The following TMEM245 variants were observed in gnomAD, a reference collection of about 807,000 sequenced individuals.
TMEM245 encodes transmembrane protein 245.
Under a neutral mutation model 101.2 loss-of-function variants are expected in TMEM245, and 69 were observed. The ratio of observed to expected loss-of-function variants is 0.68; its 90% CI spans 0.56 to 0.83. TMEM245 has a LOEUF of 0.83. TMEM245 is among the 40% of genes least tolerant of loss of function. TMEM245 has a pLI of 0.00. For missense variants in TMEM245, 1,075 were observed against 1,092.8 expected (o/e 0.98, Z 0.23); for synonymous variants, 537 against 449.8 (o/e 1.19, Z -2.45).
At chr9:109,108,420 T>TAAAAA (rs5899838) in intron 2 of TMEM245, 33 bp downstream of exon 2, 142 of 939,376 alleles carry the variant, frequency 1.5e-4, no homozygotes, top group South Asian at 2.9e-4. Context: ...AGGCTAGACT[T>TAAAAA]AAAAAAAAAA....
intron 12 of TMEM245, among the ~76,000 whole-genome samples, chr9:109,051,380 T>C (rs551720154): frequency 6.7e-6 from 1 of 148,482 alleles, no homozygotes; most frequent in East Asian, 2.0e-4. Flanking sequence ...AGAGAAAAAA[T>C]ATAGTCATGC....
chr9:109,034,001 T>C (rs1263916046), intron 16 of TMEM245, among the ~76,000 whole-genome samples: 1 of 152,246 alleles, frequency 6.6e-6, no homozygotes, highest in Non-Finnish European at 1.5e-5. Context: ...ACATAGGTGA[T>C]GATAAAAGGC....
chr9:109,114,340 T>C (rs1338681294), intron 1 of TMEM245, among the ~76,000 whole-genome samples: 1 of 152,166 alleles, frequency 6.6e-6, no homozygotes, highest in Non-Finnish European at 1.5e-5. Flanking sequence ...AACCTAGAAA[T>C]GTGTTTAAAA....
intron 15 of TMEM245, among the ~76,000 whole-genome samples, chr9:109,036,593 T>A (rs1051490271): frequency 1.3e-5 from 2 of 152,208 alleles, no homozygotes; most frequent in Non-Finnish European, 2.9e-5. Context: ...TAAAAATCTT[T>A]CTAAGTGTGT....
intron 17 of TMEM245, among the ~76,000 whole-genome samples, chr9:109,027,868 G>C (rs1827834045): frequency 6.6e-6 from 1 of 151,906 alleles, no homozygotes; most frequent in Admixed American, 6.5e-5. Flanking sequence ...TCTTAGTAGA[G>C]ACAGTGTTTT....
intron 7 of TMEM245, among the ~76,000 whole-genome samples, chr9:109,085,598 T>C (rs1469931674): frequency 2.0e-5 from 3 of 152,236 alleles, no homozygotes; most frequent in Non-Finnish European, 2.9e-5. Flanking sequence ...TTTAAAAAAT[T>C]CCTGTGTCTT....
At chr9:109,113,781 G>A (rs1457637492) in intron 1 of TMEM245, among the ~76,000 whole-genome samples, 1 of 152,154 alleles carries the variant, frequency 6.6e-6, no homozygotes, top group African/African-American at 2.4e-5. Context: ...AGTTTCCCAA[G>A]CTTTTTTTAG....
At chr9:109,116,299 G>C (rs966501192) in intron 1 of TMEM245, among the ~76,000 whole-genome samples, 3 of 152,200 alleles carry the variant, frequency 2.0e-5, no homozygotes, top group African/African-American at 7.2e-5. Context: ...GTGAACTGTG[G>C]GATGGAAAAG....
intron 8 of TMEM245, among the ~76,000 whole-genome samples, chr9:109,075,020 C>T (rs1474412872): frequency 6.6e-6 from 1 of 152,182 alleles, no homozygotes; most frequent in African/African-American, 2.4e-5. Flanking sequence ...AGCTAAGGGA[C>T]ATAATCTTAC....
intron 1 of TMEM245, among the ~76,000 whole-genome samples, 187 bp downstream of exon 1, chr9:109,119,148 C>T (rs1007885633): frequency 2.0e-5 from 3 of 152,242 alleles, no homozygotes; most frequent in African/African-American, 7.2e-5. Context: ...TCAAATCACG[C>T]CCGCCCCCTT....
At chr9:109,063,371 T>C (rs1829073123) in intron 10 of TMEM245, among the ~76,000 whole-genome samples, 1 of 152,174 alleles carries the variant, frequency 6.6e-6, no homozygotes, top group Admixed American at 6.5e-5. Flanking sequence ...GCCGCCTGCC[T>C]TGGCCTCCCA....
chr9:109,089,671 A>G (rs1829943243), intron 5 of TMEM245, among the ~76,000 whole-genome samples: 2 of 152,348 alleles, frequency 1.3e-5, no homozygotes, highest in East Asian at 1.9e-4. Flanking sequence ...TGCACCTGTC[A>G]GAGAAAACTC....
At position 109,111,470 on chromosome 9, in the gene TMEM245, A is replaced by G. The variant is rs77914078; in HGVS notation, c.580-2900T>C. ...AAAAATAAGAGACTGCATACTTCAGATTTTTTAAGAGAAATTTATTGTCTA... is the reference window on the plus strand; with the variant it reads ...AAAAATAAGAGACTGCATACTTCAGGTTTTTTAAGAGAAATTTATTGTCTA... On this transcript the variant is annotated intron_variant, in intron 1 of 17. Transcript: ENST00000374586. Among the ~76,000 whole-genome samples, 247 of 152,260 alleles carry G rather than the reference A, an allele frequency of 1.6e-3. 3 individuals carry two copies. Among genetic ancestry groups the G allele is most frequent in the Non-Finnish European group, 2.3e-3 (159 of 68,004 alleles).
Position 109,057,309 on chromosome 9 carries a change from G to T in TMEM245, c.1736C>A (p.Ser579Tyr), listed in dbSNP as rs373302533. Residue 579 changes from serine (S) to tyrosine (Y), a missense_variant, in exon 12 of 18, where the codon TCT (serine) becomes TAT (tyrosine). Around this residue, in one of 2 missense-constraint regions of TMEM245, gnomAD observed 808 missense variants for 741.5 expected, o/e 1.09. Transcript: ENST00000374586. Reference protein sequence around the residue: ...HSWFVKNVTHSGRHKGQKLHV... With the variant: ...HSWFVKNVTHYGRHKGQKLHV... ...CAACTTCTGTCCTTTGTGCCTTCCA[G>T]AGTGTGTTACATTCTATGGAATAAA... 100 of 1,613,908 alleles carry T rather than the reference G, an allele frequency of 6.2e-5. No individual in the cohort carries two copies. Among genetic ancestry groups the T allele is most frequent in the Non-Finnish European group, 8.1e-5 (95 of 1,179,934 alleles).
At chr9:109,099,614 C>T (rs1830231771) in intron 3 of TMEM245, among the ~76,000 whole-genome samples, 2 of 152,122 alleles carry the variant, frequency 1.3e-5, no homozygotes, top group South Asian at 4.1e-4. Context: ...ATAAGCATAA[C>T]ACCAATCTCA....
At chr9:109,103,472 A>G (rs1830329646) in intron 3 of TMEM245, among the ~76,000 whole-genome samples, 2 of 152,214 alleles carry the variant, frequency 1.3e-5, no homozygotes, top group African/African-American at 4.8e-5. Context: ...AAAATTTGGA[A>G]GAAACCTAAA....
intron 7 of TMEM245, among the ~76,000 whole-genome samples, chr9:109,081,411 G>C (rs568336842): frequency 3.3e-4 from 50 of 152,128 alleles, no homozygotes; most frequent in Non-Finnish European, 5.9e-4. Context: ...GATAAAATTG[G>C]AGCAAATTAA....
chr9:109,108,661 A>G, intron 1 of TMEM245, 91 bp from the exon 2 acceptor site: 1 of 905,008 alleles, frequency 1.1e-6, no homozygotes. Context: ...ATACAGCAGG[A>G]ATGCTCTGGA....
rs577996463 is a variant in TMEM245, at chr9:109,097,542, G to A, written c.800-3951C>T. On this transcript the variant is annotated intron_variant, in intron 3 of 17. Transcript: ENST00000374586. Reference sequence around the variant, plus strand: ...GATGGCTATAGGCAAGTTAGTTAACGTCGAGATGTCCCAGTCTCCTCATGT... The same window carrying A: ...GATGGCTATAGGCAAGTTAGTTAACATCGAGATGTCCCAGTCTCCTCATGT... 2.6e-5 allele frequency among the ~76,000 whole-genome samples: 4 copies of A among 152,254 alleles called. No homozygotes were observed. The South Asian group carries it at 6.2e-4, about 24-fold the overall frequency.
Sources: gnomAD v4.1 joint callset for allele counts (sites outside exome capture counted in the v4.1 genomes callset) on GRCh38, gnomAD v4.1.1 for gene constraint, gnomAD v4.1.1 regional missense constraint, MANE v1.5 for transcripts, NCBI Gene and HGNC (gene_info 2026-07-23, HGNC 2026-07-21) for gene names.